C3orf70: variants seen among roughly 807,000 people sequenced by gnomAD.
C3orf70 encodes the protein chromosome 3 open reading frame 70.
In C3orf70, 15 loss-of-function variants were observed where a neutral mutation model predicts 20.7. The observed-to-expected ratio is 0.72, with a 90% CI of 0.48 to 1.11. C3orf70 has a LOEUF of 1.11. C3orf70 is among the 50% of genes most tolerant of loss of function. C3orf70 has a pLI of 0.00. For synonymous variants in C3orf70, 161 were observed against 125.7 expected (o/e 1.28, Z -1.88); for missense variants, 332 against 317.6 (o/e 1.05, Z -0.34).
chr3:185,128,623 A>T (rs1328104361), intron 1 of C3orf70, among the ~76,000 whole-genome samples: 2 of 152,028 alleles, frequency 1.3e-5, no homozygotes, highest in African/African-American at 4.8e-5. Flanking sequence ...GTATCTGATT[A>T]ACCTTGAAGG....
At chr3:185,151,738 A>C (rs945474010) in intron 1 of C3orf70, among the ~76,000 whole-genome samples, 1 of 152,204 alleles carries the variant, frequency 6.6e-6, no homozygotes, top group African/African-American at 2.4e-5. Flanking sequence ...AGCACTCCAA[A>C]ACCCTCTATT....
chr3:185,087,918 T>C (rs1715490342), intron 1 of C3orf70, among the ~76,000 whole-genome samples: 1 of 150,676 alleles, frequency 6.6e-6, no homozygotes, highest in Admixed American at 6.6e-5. Flanking sequence ...TATACATTTT[T>C]TTTTTTTTTT....
intron 1 of C3orf70, among the ~76,000 whole-genome samples, chr3:185,123,259 T>C (rs1246651176): frequency 7.3e-6 from 1 of 136,868 alleles, no homozygotes; most frequent in Non-Finnish European, 1.6e-5. Context: ...ATAAAAATGC[T>C]GAAACTTAAC....
intron 1 of C3orf70, among the ~76,000 whole-genome samples, chr3:185,117,743 G>A (rs1716210429): frequency 6.6e-6 from 1 of 152,158 alleles, no homozygotes; most frequent in Admixed American, 6.6e-5. Context: ...GGCTTTCCAT[G>A]ATCTTGTTCC....
chr3:185,101,293 G>A (rs191438561), intron 1 of C3orf70, among the ~76,000 whole-genome samples: 99 of 152,174 alleles, frequency 6.5e-4, no homozygotes, highest in African/African-American at 2.1e-3. Flanking sequence ...CAAAATACTC[G>A]CAAACCAAAT....
chr3:185,137,668 C>T (rs1716655031), intron 1 of C3orf70, among the ~76,000 whole-genome samples: 2 of 151,820 alleles, frequency 1.3e-5, no homozygotes, highest in Admixed American at 6.6e-5. Context: ...AAGGAAGTTT[C>T]GAGGGAAATC....
intron 1 of C3orf70, 150 bp downstream of exon 1, chr3:185,152,478 C>T (rs1019195084): frequency 5.8e-6 from 3 of 517,968 alleles, no homozygotes; most frequent in East Asian, 3.8e-5. Flanking sequence ...CTCCGGCGGG[C>T]CCGGAGCCCA....
intron 1 of C3orf70, among the ~76,000 whole-genome samples, chr3:185,122,097 T>TC: frequency 1.1e-5 from 1 of 91,778 alleles, no homozygotes; most frequent in African/African-American, 5.0e-5. Flanking sequence ...AGACTCCGTC[T>TC]CAAAAAAAAA....
intron 1 of C3orf70, among the ~76,000 whole-genome samples, chr3:185,089,464 A>G (rs1715521022): frequency 6.6e-6 from 1 of 152,180 alleles, no homozygotes; most frequent in Non-Finnish European, 1.5e-5. Flanking sequence ...CTTTATCTGC[A>G]GCCATTTCTC....
At chr3:185,100,138 A>G (rs1715791540) in intron 1 of C3orf70, among the ~76,000 whole-genome samples, 1 of 152,120 alleles carries the variant, frequency 6.6e-6, no homozygotes, top group Admixed American at 6.6e-5. Flanking sequence ...GTATTAGATC[A>G]CCGAGGCAAA....
chr3:185,140,643 T>G (rs1716731435), intron 1 of C3orf70, among the ~76,000 whole-genome samples: 1 of 151,616 alleles, frequency 6.6e-6, no homozygotes, highest in Non-Finnish European at 1.5e-5. Context: ...TGAATGGGAT[T>G]AGGGCCCTTA....
chr3:185,146,667 T>C (rs751723462), intron 1 of C3orf70, among the ~76,000 whole-genome samples: 3 of 152,216 alleles, frequency 2.0e-5, no homozygotes, highest in African/African-American at 7.2e-5. Context: ...TTGTTGCTAG[T>C]TTTCATTTAT....
At chr3:185,129,723 T>C (rs552973346) in intron 1 of C3orf70, among the ~76,000 whole-genome samples, 148 of 152,362 alleles carry the variant, frequency 9.7e-4, no homozygotes, top group Admixed American at 3.3e-3. Context: ...CCAACATCTG[T>C]TGTTTCTTGA....
At chr3:185,107,893 T>C (rs944196664) in intron 1 of C3orf70, among the ~76,000 whole-genome samples, 1 of 151,590 alleles carries the variant, frequency 6.6e-6, no homozygotes, top group African/African-American at 2.4e-5. Context: ...ACAGGTGTTA[T>C]TGTCCAAGAA....
At chr3:185,106,807 T>C (rs1715952677) in intron 1 of C3orf70, among the ~76,000 whole-genome samples, 1 of 152,172 alleles carries the variant, frequency 6.6e-6, no homozygotes, top group Non-Finnish European at 1.5e-5. Context: ...GCAGGGACGA[T>C]AGGATTACTT....
At chr3:185,090,314 T>C (rs547400672) in intron 1 of C3orf70, among the ~76,000 whole-genome samples, 7 of 152,276 alleles carry the variant, frequency 4.6e-5, no homozygotes, top group African/African-American at 1.7e-4. Flanking sequence ...ATAAAATAAA[T>C]GTATAAGCCC....
intron 1 of C3orf70, among the ~76,000 whole-genome samples, chr3:185,089,570 CTCAT>C: frequency 6.6e-6 from 1 of 152,216 alleles, no homozygotes; most frequent in Non-Finnish European, 1.5e-5. Context: ...TTGCTAATGA[CTCAT>C]TCAAACCACT....
chr3:185,128,964 C>T (rs138130774), intron 1 of C3orf70, among the ~76,000 whole-genome samples: 1,748 of 152,204 alleles, frequency 0.011, 12 homozygotes, highest in Non-Finnish European at 0.018. Flanking sequence ...AACAAATATT[C>T]CTTGAGTGCC....
intron 1 of C3orf70, among the ~76,000 whole-genome samples, chr3:185,087,007 G>T (rs1439240422): frequency 6.6e-6 from 1 of 152,104 alleles, no homozygotes; most frequent in African/African-American, 2.4e-5. Flanking sequence ...CCTAGGCCGA[G>T]AATCCATGTT....
Sources: allele counts gnomAD v4.1 joint callset (sites outside exome capture counted in the v4.1 genomes callset), GRCh38; gene constraint gnomAD v4.1.1; transcripts MANE v1.5; gene names NCBI Gene and HGNC (gene_info 2026-07-23, HGNC 2026-07-21).